MAPK10: variants seen among roughly 807,000 people sequenced by gnomAD.
MAPK10 encodes the protein JNK3 alpha protein kinase.
MAPK10 carries 25 observed loss-of-function variants against 59.3 expected under a neutral mutation model. That is an observed-to-expected ratio of 0.42 (90% confidence interval 0.31 to 0.59). The LOEUF is 0.59. Ranked by LOEUF, MAPK10 falls within the 20% of genes least tolerant of loss-of-function variation. The probability of loss-of-function intolerance (pLI) is 0.15; values close to 1 mark genes in which losing one functional copy is unlikely to be tolerated. For missense variants in MAPK10, 351 were observed against 568.9 expected, an observed-to-expected ratio of 0.62 and a Z score of 3.90; for synonymous variants, 190 against 200.5, an observed-to-expected ratio of 0.95 and a Z score of 0.44.
At chr4:86,365,240 T>C (rs1737649408) in intron 1 of MAPK10, among the ~76,000 whole-genome samples, 1 of 151,940 alleles carries the variant, frequency 6.6e-6, no homozygotes, top group South Asian at 2.1e-4. Context: ...GAGACCAGCC[T>C]GGCCAACATG....
chr4:86,259,518 G>T (rs2093898357), intron 2 of MAPK10, among the ~76,000 whole-genome samples: 1 of 152,096 alleles, frequency 6.6e-6, no homozygotes, highest in African/African-American at 2.4e-5. Context: ...TACTGTGAAT[G>T]TGAAAATGAA....
intron 1 of MAPK10, among the ~76,000 whole-genome samples, chr4:86,577,299 A>G (rs1761973214): frequency 6.6e-6 from 1 of 152,164 alleles, no homozygotes; most frequent in African/African-American, 2.4e-5. Context: ...TGACAGAGAA[A>G]GACCTTGTCT....
At chr4:86,178,068 C>T (rs1387488523) in intron 3 of MAPK10, among the ~76,000 whole-genome samples, 1 of 152,046 alleles carries the variant, frequency 6.6e-6, no homozygotes, top group Non-Finnish European at 1.5e-5. Flanking sequence ...ACACTAACAA[C>T]TCCACATTAA....
chr4:86,461,605 C>A (rs971437784), intron 1 of MAPK10, among the ~76,000 whole-genome samples: 3 of 152,080 alleles, frequency 2.0e-5, no homozygotes, highest in African/African-American at 7.2e-5. Flanking sequence ...ATCTTGGAAC[C>A]TTTTCACACT....
intron 11 of MAPK10, among the ~76,000 whole-genome samples, chr4:86,051,366 C>A (rs1168666761): frequency 1.3e-5 from 2 of 152,282 alleles, no homozygotes; most frequent in South Asian, 4.1e-4. Flanking sequence ...AGTCATGGAT[C>A]TACACTTGGG....
chr4:86,282,954 C>G (rs2094868604), intron 2 of MAPK10, among the ~76,000 whole-genome samples: 1 of 152,256 alleles, frequency 6.6e-6, no homozygotes, highest in East Asian at 1.9e-4. Flanking sequence ...TAGGTTGTAT[C>G]TGCTTGGCTG....
At chr4:86,373,869 C>A (rs943507549) in intron 1 of MAPK10, among the ~76,000 whole-genome samples, 2 of 152,064 alleles carry the variant, frequency 1.3e-5, no homozygotes, top group Admixed American at 6.6e-5. Context: ...GATCTAGAAC[C>A]AGAAATACCA....
chr4:86,272,998 T>C (rs944282360), intron 2 of MAPK10, among the ~76,000 whole-genome samples: 8 of 152,128 alleles, frequency 5.3e-5, no homozygotes, highest in Non-Finnish European at 7.4e-5. Context: ...ATACCAGCCT[T>C]CTTTTTAATA....
intron 9 of MAPK10, among the ~76,000 whole-genome samples, chr4:86,096,889 A>T (rs1274608037): frequency 1.3e-5 from 2 of 152,006 alleles, no homozygotes; most frequent in African/African-American, 4.8e-5. Flanking sequence ...AGGAACATGG[A>T]GCAAACAGAG....
chr4:86,017,465 G>A lies in MAPK10; in HGVS notation c.1253-95C>T. On this transcript the variant is annotated intron_variant, in intron 13 of 13. Transcript: ENST00000641462. This position sits in a 1 kb window ranked among gnomAD's most constrained non-coding sequence, Gnocchi z 4.4. ...TCAGGGATGGGCAAATACAATAGGG[G>A]ATGTCCAGTCCATCAATCATTTGGC... is the stretch of plus-strand genomic sequence containing the variant. 7.5e-7 allele frequency: 1 copy of A among 1,339,864 alleles called. No homozygotes were observed. The allele number at this position is 1,339,864 out of a possible 1,614,324, so 83.0% of individuals were successfully genotyped here.
chr4:86,059,192 G>C (rs1297243461), intron 11 of MAPK10, among the ~76,000 whole-genome samples: 1 of 152,144 alleles, frequency 6.6e-6, no homozygotes, highest in Non-Finnish European at 1.5e-5. Context: ...TATCCAGTAA[G>C]ATATAATGGC....
intron 2 of MAPK10, among the ~76,000 whole-genome samples, chr4:86,348,550 C>A (rs1048256632): frequency 4.6e-5 from 7 of 152,124 alleles, no homozygotes; most frequent in African/African-American, 2.4e-5. Flanking sequence ...ATCTCCCACA[C>A]AAAGTAGTAT....
At chr4:86,118,794 TG>T (rs2058721134) in intron 4 of MAPK10, among the ~76,000 whole-genome samples, 1 of 152,218 alleles carries the variant, frequency 6.6e-6, no homozygotes, top group African/African-American at 2.4e-5. Context: ...TAAATATTTG[TG>T]GGGGAAATCC....
intron 9 of MAPK10, among the ~76,000 whole-genome samples, chr4:86,076,793 G>A (rs2049576168): frequency 1.3e-5 from 2 of 152,024 alleles, no homozygotes; most frequent in African/African-American, 4.8e-5. Context: ...TGTATTAATT[G>A]TTAACATGGT....
intron 1 of MAPK10, among the ~76,000 whole-genome samples, chr4:86,465,836 C>G (rs531541678): frequency 6.6e-6 from 1 of 152,114 alleles, no homozygotes; most frequent in East Asian, 1.9e-4. Context: ...CCAGCTGTCA[C>G]GAGCAGCACC....
intron 4 of MAPK10, among the ~76,000 whole-genome samples, chr4:86,144,153 C>G (rs979478765): frequency 6.6e-6 from 1 of 152,118 alleles, no homozygotes; most frequent in Non-Finnish European, 1.5e-5. Context: ...TATATAGCCA[C>G]AGCACATGCA....
intron 4 of MAPK10, among the ~76,000 whole-genome samples, chr4:86,110,726 G>A (rs542498508): frequency 2.6e-5 from 4 of 152,092 alleles, no homozygotes; most frequent in Admixed American, 1.3e-4. Flanking sequence ...CTCTTTTTTG[G>A]TTCCATATGA....
chr4:86,366,474 A>C (rs548240702), intron 1 of MAPK10, among the ~76,000 whole-genome samples: 1 of 152,278 alleles, frequency 6.6e-6, no homozygotes, highest in East Asian at 1.9e-4. Context: ...TGAGCCAATA[A>C]GTTAGGGTTC....
intron 2 of MAPK10, among the ~76,000 whole-genome samples, chr4:86,301,018 T>A (rs1339407294): frequency 6.6e-6 from 1 of 152,104 alleles, no homozygotes; most frequent in African/African-American, 2.4e-5. Context: ...AAGAGCTTAA[T>A]TTCCTAACCA....
Sources: gnomAD v4.1 joint callset for allele counts (sites outside exome capture counted in the v4.1 genomes callset) on GRCh38, gnomAD v4.1.1 for gene constraint, Gnocchi (gnomAD v3.1) non-coding constraint, MANE v1.5 for transcripts, NCBI Gene and HGNC (gene_info 2026-07-23, HGNC 2026-07-21) for gene names.